Variants in TFB1M observed in about 807,000 individuals in gnomAD.
TFB1M encodes dimethyladenosine transferase 1, mitochondrial.
In TFB1M, 27 loss-of-function variants were observed where a neutral mutation model predicts 31.1. The observed-to-expected ratio is 0.87, with a 90% CI of 0.64 to 1.20. TFB1M has a LOEUF of 1.20. Among genes scored for constraint, TFB1M ranks in the 50% most tolerant of loss-of-function variants. The pLI is 0.00. For missense variants in TFB1M, 394 were observed against 418.7 expected, an observed-to-expected ratio of 0.94 and a Z score of 0.51; for synonymous variants, 166 against 151.8, an observed-to-expected ratio of 1.09 and a Z score of -0.69.
chr6:155,247,963 T>C, the TFB1M span: 11 of 1,595,262 alleles, frequency 6.9e-6, no homozygotes, highest in Non-Finnish European at 9.4e-6. Flanking sequence ...TTCACCCCAC[T>C]GTGCTCTTCT....
chr6:155,246,144 G>A, the TFB1M span, among the ~76,000 whole-genome samples: 1 of 151,822 alleles, frequency 6.6e-6, no homozygotes, highest in African/African-American at 2.4e-5. Context: ...CACAAGAAGT[G>A]TGTCAGCTGA....
intron 5 of TFB1M, among the ~76,000 whole-genome samples, chr6:155,277,703 G>T (rs1785285521): frequency 6.6e-6 from 1 of 152,146 alleles, no homozygotes; most frequent in Non-Finnish European, 1.5e-5. Flanking sequence ...AATTAGGAAG[G>T]GGATCATTTT....
At chr6:155,292,708 T>C (rs369922239) in intron 4 of TFB1M, among the ~76,000 whole-genome samples, 4 of 151,786 alleles carry the variant, frequency 2.6e-5, no homozygotes, top group Admixed American at 2.0e-4. Context: ...TGTCAGAAAT[T>C]ATCAGGCTTT....
chr6:155,244,891 CTATTTATTGTCCTGTGACTA>C, the TFB1M span: 2 of 1,315,308 alleles, frequency 1.5e-6, no homozygotes, highest in South Asian at 1.6e-5. Flanking sequence ...TGACTATTGA[CTATTTATTGTCCTGTGACTA>C]TTTCCTTGCA....
the TFB1M span, among the ~76,000 whole-genome samples, chr6:155,242,338 C>T: frequency 6.6e-6 from 1 of 152,232 alleles, no homozygotes; most frequent in Non-Finnish European, 1.5e-5. Flanking sequence ...ACGTTTAACA[C>T]AGAATCTTGT....
chr6:155,314,483 C>T lies in TFB1M; in HGVS notation c.-55G>A. 5 of 1,612,720 alleles carry T rather than the reference C, an allele frequency of 3.1e-6. No homozygotes were observed. The highest frequency in any genetic ancestry group is 4.2e-6 in the Non-Finnish European group (5 of 1,179,628). On this transcript the variant is annotated 5_prime_UTR_variant, in exon 1 of 7. Transcript: ENST00000367166. ...CTCACCCAGGACCTTCACCGCCGCT[C>T]CGAAAGAAACGCGCAGGGGAGGAAC...
chr6:155,240,984 A>G, the TFB1M span, among the ~76,000 whole-genome samples: 18 of 152,332 alleles, frequency 1.2e-4, no homozygotes, highest in African/African-American at 4.1e-4. Context: ...GTCATTTGCA[A>G]TCTGTGGGAA....
At chr6:155,245,942 G>A in the TFB1M span, among the ~76,000 whole-genome samples, 1 of 152,108 alleles carries the variant, frequency 6.6e-6, no homozygotes, top group Non-Finnish European at 1.5e-5. Flanking sequence ...TAAGAGCAGA[G>A]ATGTTGCTTT....
At chr6:155,301,756 A>AG (rs2114790389) in intron 2 of TFB1M, among the ~76,000 whole-genome samples, 1 of 152,368 alleles carries the variant, frequency 6.6e-6, no homozygotes, top group East Asian at 1.9e-4. Context: ...AACCATGAAG[A>AG]GGGGAAGCAT....
the TFB1M span, chr6:155,245,510 C>A: frequency 1.1e-6 from 1 of 882,320 alleles, no homozygotes; most frequent in Non-Finnish European, 1.8e-6. Flanking sequence ...TTGAACTTCT[C>A]CAAGGCATTA....
At chr6:155,254,561 T>C, downstream of TFB1M, 1 of 1,611,374 alleles carries the variant, frequency 6.2e-7, no homozygotes, top group Non-Finnish European at 8.5e-7. Flanking sequence ...AGTTCCTGTT[T>C]CGGCCAAATT....
At chr6:155,267,253 G>GC (rs1784695451) in intron 5 of TFB1M, among the ~76,000 whole-genome samples, 5 of 152,208 alleles carry the variant, frequency 3.3e-5, no homozygotes, top group Admixed American at 1.3e-4. Flanking sequence ...GGGATTATGG[G>GC]CATGAGCCAC....
At chr6:155,248,073 G>A in the TFB1M span, 1 of 1,614,232 alleles carries the variant, frequency 6.2e-7, no homozygotes. Context: ...CCACGCTGGA[G>A]TCCTACCTCA....
chr6:155,301,282 T>C (rs1434658058), intron 2 of TFB1M, among the ~76,000 whole-genome samples: 2 of 152,180 alleles, frequency 1.3e-5, no homozygotes, highest in Middle Eastern at 3.2e-3. Context: ...TGTTAACAGA[T>C]TTATGTGAAG....
intron 4 of TFB1M, among the ~76,000 whole-genome samples, chr6:155,285,899 C>A (rs1776607054): frequency 6.6e-6 from 1 of 152,016 alleles, no homozygotes; most frequent in African/African-American, 2.4e-5. Flanking sequence ...AAAAGTCCAA[C>A]AAGATTTTAA....
At chr6:155,268,747 GCAGCATGCTTGCTAAGAGTCAT>G (rs1308254721) in intron 5 of TFB1M, among the ~76,000 whole-genome samples, 1 of 151,100 alleles carries the variant, frequency 6.6e-6, no homozygotes, top group Non-Finnish European at 1.5e-5. Flanking sequence ...ATGCTTGAAG[GCAGCATGCTTGCTAAGAGTCAT>G]CACCACTCCC....
Position 155,257,484 on chromosome 6 carries a change from C to CTT in TFB1M, c.*350_*351dup. 1 of 334,032 alleles carries CTT rather than the reference C, an allele frequency of 3.0e-6. No homozygotes were observed. The highest frequency in any genetic ancestry group is 7.2e-5 in the East Asian group (1 of 13,852). The allele number at this position is 334,032 out of a possible 1,614,324, so 20.7% of individuals were successfully genotyped here. A position where few individuals can be genotyped will look rare whatever the true frequency, so the allele number is the denominator to read the frequency against. On this transcript the variant is annotated 3_prime_UTR_variant, in exon 7 of 7. Transcript: ENST00000367166. ...TTTTTTAAAATCCTCTGGGCATTTT[C>CTT]TTTCAGCTGTTTGTTAGTTTTTGCT...
intron 5 of TFB1M, among the ~76,000 whole-genome samples, chr6:155,263,167 T>C (rs1186780820): frequency 6.6e-6 from 1 of 152,208 alleles, no homozygotes; most frequent in Non-Finnish European, 1.5e-5. Context: ...GAGCCCATTT[T>C]TTTCTAGAAC....
At chr6:155,278,734 C>T (rs567704985) in intron 5 of TFB1M, among the ~76,000 whole-genome samples, 75 of 152,236 alleles carry the variant, frequency 4.9e-4, no homozygotes, top group African/African-American at 1.6e-3. Flanking sequence ...TCAAACTACC[C>T]GGGTGCAAGC....
Sources: gnomAD v4.1 joint callset for allele counts (sites outside exome capture counted in the v4.1 genomes callset) on GRCh38, gnomAD v4.1.1 for gene constraint, MANE v1.5 for transcripts, NCBI Gene and HGNC (gene_info 2026-07-23, HGNC 2026-07-21) for gene names.